PLPPR2: variants seen among roughly 807,000 people sequenced by gnomAD.
The protein encoded by PLPPR2 is phospholipid phosphatase related 2.
In PLPPR2, 11 loss-of-function variants were observed where a neutral mutation model predicts 40.3. The observed-to-expected ratio is 0.27, with a 90% CI of 0.17 to 0.45. The LOEUF (loss-of-function observed/expected upper bound fraction) is 0.45, where lower values mean the gene tolerates loss of function less well. PLPPR2 is among the 20% of genes least tolerant of loss of function. PLPPR2 has a pLI of 1.00. For synonymous variants in PLPPR2, 260 were observed against 290.8 expected (o/e 0.89, Z 1.08); for missense variants, 497 against 640.7 (o/e 0.78, Z 2.42).
chr19:11,355,665 G>A (rs1023353408), intron 1 of PLPPR2, 93 bp downstream of exon 1: 8 of 152,060 alleles, frequency 5.3e-5, no homozygotes, highest in African/African-American at 1.9e-4. Flanking sequence ...GGGTCCCTCT[G>A]GGTCCAGCGC....
rs1400556769 is a variant in PLPPR2 at position 11,364,175 on chromosome 19, C to T, written c.978C>T (p.Cys326=). 4.3e-6 allele frequency: 7 copies of T among 1,612,042 alleles called. No homozygotes were observed. The highest frequency in any genetic ancestry group is 1.3e-5 in the African/African-American group (1 of 74,990). The change falls in exon 9 of 10, where the codon TGC becomes TGT. Residue 326 remains cysteine, a synonymous_variant. Coordinates refer to ENST00000688289, the MANE Select transcript of PLPPR2 (RefSeq NM_001393892.1). This position sits in a 1 kb window ranked among gnomAD's most constrained non-coding sequence, Gnocchi z 5.8. ...KLSVAQEPEV[C]RPHSTPARLT... ...CTTTGTCTCAGGAACCCGAGGTCTG[C>T]AGGCCGCATTCGACACCGGCACGGC...
rs1186059064 is a variant in PLPPR2 at position 11,362,022 on chromosome 19, TC to T, written c.664-487del. ...TGTCCCCTGCTTTTTCCTGGTCACATCCCCTGTTGCTTCAACTCTTTTTTCT... is the reference window on the plus strand; with the variant it reads ...TGTCCCCTGCTTTTTCCTGGTCACATCCCTGTTGCTTCAACTCTTTTTTCT... On this transcript the variant is annotated intron_variant, in intron 6 of 9. Transcript: ENST00000688289. The surrounding 1 kb of genome is among the most constrained non-coding windows in gnomAD (Gnocchi z 5.3). Among the ~76,000 whole-genome samples, 1 of 152,070 alleles carries T rather than the reference TC, an allele frequency of 6.6e-6. No homozygotes were observed. The highest frequency in any genetic ancestry group is 6.5e-5 in the Admixed American group (1 of 15,282).
rs140938085 is a variant in PLPPR2, at chr19:11,361,507, G to C, written c.663+19G>C. On this transcript the variant is annotated intron_variant, in intron 6 of 9. Coordinates refer to ENST00000688289, the MANE Select transcript of PLPPR2 (RefSeq NM_001393892.1). The surrounding 1 kb of genome is among the most constrained non-coding windows in gnomAD (Gnocchi z 6.3). ...CACAGCGGTGAGCTTCGGGAGCTTC[G>C]GGGTCGGAAATGGGTGTGCAGGCTG... is the stretch of plus-strand genomic sequence containing the variant. 2.0e-3 allele frequency: 3,184 copies of C among 1,579,734 alleles called. 55 individuals carry two copies. In the African/African-American group the frequency reaches 0.035, roughly 17 times the overall value.
Position 11,362,295 on chromosome 19 carries a change from G to C in PLPPR2, c.664-218G>C, listed in dbSNP as rs905920655. The C allele has an allele frequency of 3.5e-6, 2 of 569,844 alleles. No homozygotes were observed. The highest frequency in any genetic ancestry group is 6.3e-6 in the Non-Finnish European group (2 of 319,648). 35.3% of individuals were successfully genotyped at this position (569,844 alleles called of 1,614,324 possible). A position where few individuals can be genotyped will look rare whatever the true frequency, so the allele number is the denominator to read the frequency against. On this transcript the variant is annotated intron_variant, in intron 6 of 9. Coordinates refer to ENST00000688289, the MANE Select transcript of PLPPR2 (RefSeq NM_001393892.1). The surrounding 1 kb of genome is among the most constrained non-coding windows in gnomAD (Gnocchi z 5.3). ...ACCTAGCCCTGCAGGTGGTGCCCAC[G>C]AGACTCCAAGACCTCAATCCCTGAC...
chr19:11,355,869 C>T (rs968334091), intron 1 of PLPPR2, among the ~76,000 whole-genome samples: 1 of 151,538 alleles, frequency 6.6e-6, no homozygotes, highest in African/African-American at 2.4e-5. Flanking sequence ...TGTGTGGTTT[C>T]GGGAGGTCCG....
Position 11,361,519 on chromosome 19 carries a change from G to A in PLPPR2, c.663+31G>A. The A allele has an allele frequency of 1.3e-6, 2 of 1,570,558 alleles. No individual in the cohort carries two copies. Among genetic ancestry groups the A allele is most frequent in the Non-Finnish European group, 1.7e-6 (2 of 1,161,968 alleles). Reference sequence around the variant, plus strand: ...CTTCGGGAGCTTCGGGGTCGGAAATGGGTGTGCAGGCTGGACAGCGACCAG... The same window carrying A: ...CTTCGGGAGCTTCGGGGTCGGAAATAGGTGTGCAGGCTGGACAGCGACCAG... On this transcript the variant is annotated intron_variant, in intron 6 of 9. Coordinates refer to ENST00000688289, the MANE Select transcript of PLPPR2 (RefSeq NM_001393892.1). The surrounding 1 kb of genome is among the most constrained non-coding windows in gnomAD (Gnocchi z 6.3).
Position 11,357,648 on chromosome 19 carries a change from C to A in PLPPR2, c.-14-12C>A, listed in dbSNP as rs1169965653. 1.3e-6 allele frequency: 2 copies of A among 1,588,820 alleles called. No homozygotes were observed. The highest frequency in any genetic ancestry group is 2.7e-5 in the African/African-American group (2 of 73,762). On this transcript the variant is annotated splice_polypyrimidine_tract_variant and intron_variant, in intron 2 of 9. Transcript: ENST00000688289. ...ACCCCCTGGGACTCCCACTCCCTCC[C>A]CACCTCTGCAGGCCTGGCCTTCACC...
rs532361436 is a variant in PLPPR2, at chr19:11,363,875, G to T, written c.963+40G>T. On this transcript the variant is annotated intron_variant, in intron 8 of 9. Coordinates refer to ENST00000688289, the MANE Select transcript of PLPPR2 (RefSeq NM_001393892.1). The surrounding 1 kb of genome is among the most constrained non-coding windows in gnomAD (Gnocchi z 4.8). Reference sequence around the variant, plus strand: ...GGGCTGCTCCCGGCTGGAGAGGGTGGTGGGTGGAGGGGGCCAAGGAGACAG... The same window carrying T: ...GGGCTGCTCCCGGCTGGAGAGGGTGTTGGGTGGAGGGGGCCAAGGAGACAG... 1.9e-6 allele frequency: 3 copies of T among 1,595,906 alleles called. No homozygotes were observed. In the South Asian group the frequency reaches 3.3e-5, roughly 18 times the overall value.
chr19:11,363,948 G>T lies in PLPPR2; in HGVS notation c.963+113G>T, dbSNP rs1179068122. ...GGGGTCTCAGAACCATGGGGAAGTG[G>T]AGGGATCACCCATCTCTGTGGACAT... On this transcript the variant is annotated intron_variant, in intron 8 of 9. Coordinates refer to ENST00000688289, the MANE Select transcript of PLPPR2 (RefSeq NM_001393892.1). This position sits in a 1 kb window ranked among gnomAD's most constrained non-coding sequence, Gnocchi z 4.8. 1 of 1,403,882 alleles carries T rather than the reference G, an allele frequency of 7.1e-7. No homozygotes were observed. Among genetic ancestry groups the T allele is most frequent in the African/African-American group, 1.4e-5 (1 of 69,854 alleles). The allele number at this position is 1,403,882 out of a possible 1,614,324, so 87.0% of individuals were successfully genotyped here.
chr19:11,365,078 T>C lies in PLPPR2; in HGVS notation c.*388T>C. 3.8e-6 allele frequency: 1 copy of C among 263,946 alleles called. No homozygotes were observed. The allele number at this position is 263,946 out of a possible 1,614,324, so 16.4% of individuals were successfully genotyped here. On this transcript the variant is annotated 3_prime_UTR_variant, in exon 10 of 10. Coordinates refer to ENST00000688289, the MANE Select transcript of PLPPR2 (RefSeq NM_001393892.1). ...GCAACTCCAGCCAGTGTTCAGCGAC[T>C]GAACAGCCAATAGGAGCCCTTGGTT...
rs1349215100 is a variant in PLPPR2, at chr19:11,364,259, G to A, written c.1015+47G>A. 34 of 1,584,900 alleles carry A rather than the reference G, an allele frequency of 2.1e-5. No homozygotes were observed. The highest frequency in any genetic ancestry group is 4.1e-5 in the African/African-American group (3 of 74,010). ...GGCTAAACAGGGGGACTTCCAGGTG[G>A]GCAGCCACTGCCCCAGAGGTCTCAC... On this transcript the variant is annotated intron_variant, in intron 9 of 9. Transcript: ENST00000688289. This position sits in a 1 kb window ranked among gnomAD's most constrained non-coding sequence, Gnocchi z 5.8.
chr19:11,362,371 G>A lies in PLPPR2; in HGVS notation c.664-142G>A. 1.1e-6 allele frequency: 1 copy of A among 929,442 alleles called. No individual in the cohort carries two copies. Among genetic ancestry groups the A allele is most frequent in the Non-Finnish European group, 1.6e-6 (1 of 619,752 alleles). 57.6% of individuals were successfully genotyped at this position (929,442 alleles called of 1,614,324 possible). ...CGCTCCCTGGAAAAGCCCACTGGGA[G>A]CCCATGACTCCAACCCTGGAGCCCC... On this transcript the variant is annotated intron_variant, in intron 6 of 9. Transcript: ENST00000688289. This position sits in a 1 kb window ranked among gnomAD's most constrained non-coding sequence, Gnocchi z 5.3.
At position 11,362,438 on chromosome 19, in the gene PLPPR2, A is replaced by T; in HGVS notation, c.664-75A>T. On this transcript the variant is annotated intron_variant, in intron 6 of 9. Coordinates refer to ENST00000688289, the MANE Select transcript of PLPPR2 (RefSeq NM_001393892.1). This position sits in a 1 kb window ranked among gnomAD's most constrained non-coding sequence, Gnocchi z 5.3. ...CCCCAACGCTCTGGCCATGCGCTCT[A>T]GCCCAGAAAGGAGCGTCCACTTGGG... 6.4e-7 allele frequency: 1 copy of T among 1,569,282 alleles called. No homozygotes were observed. The highest frequency in any genetic ancestry group is 8.7e-7 in the Non-Finnish European group (1 of 1,152,194).
Position 11,364,746 on chromosome 19 carries a change from G to A in PLPPR2, c.*56G>A, listed in dbSNP as rs2144682446. 1.3e-6 allele frequency: 2 copies of A among 1,527,722 alleles called. No homozygotes were observed. Among genetic ancestry groups the A allele is most frequent in the East Asian group, 2.4e-5 (1 of 40,858 alleles). 94.6% of individuals were successfully genotyped at this position (1,527,722 alleles called of 1,614,324 possible). Reference sequence around the variant, plus strand: ...TCCCCACTTCTTCCCTGCCACGCGTGTGTGTGCGTGTGCCACGTGAGTGCC... The same window carrying A: ...TCCCCACTTCTTCCCTGCCACGCGTATGTGTGCGTGTGCCACGTGAGTGCC... On this transcript the variant is annotated 3_prime_UTR_variant, in exon 10 of 10. Coordinates refer to ENST00000688289, the MANE Select transcript of PLPPR2 (RefSeq NM_001393892.1). The surrounding 1 kb of genome is among the most constrained non-coding windows in gnomAD (Gnocchi z 5.8).
Position 11,361,293 on chromosome 19 carries a change from A to G in PLPPR2, c.468A>G (p.Pro156=). ...AGGTGGTGACCGGCAATCCCACGCC[A>G]CACTTCCTGTCCGTGTGCCGCCCCA... ...AGQVVTGNPT[P]HFLSVCRPNY... The change falls in exon 6 of 10, where the codon CCA becomes CCG. Residue 156 remains proline, a synonymous_variant. Transcript: ENST00000688289. The surrounding 1 kb of genome is among the most constrained non-coding windows in gnomAD (Gnocchi z 6.3). 1 of 1,613,726 alleles carries G rather than the reference A, an allele frequency of 6.2e-7. No individual in the cohort carries two copies. The highest frequency in any genetic ancestry group is 1.1e-5 in the South Asian group (1 of 91,078).
At chr19:11,358,755 C>T (rs760679758) in intron 3 of PLPPR2, among the ~76,000 whole-genome samples, 2 of 151,768 alleles carry the variant, frequency 1.3e-5, no homozygotes, top group South Asian at 2.1e-4. Context: ...TGCTCCGCTG[C>T]CCAGGCTGGA....
Position 11,361,654 on chromosome 19 carries a change from G to C in PLPPR2, c.663+166G>C, listed in dbSNP as rs1302708153. The stretch of plus-strand genomic sequence containing the variant: ...TTGGAAGCTCTCCCTCCTCCTCCCA[G>C]ATCCTAGCCACGCCCCCAGTCAGAG... On this transcript the variant is annotated intron_variant, in intron 6 of 9. Coordinates refer to ENST00000688289, the MANE Select transcript of PLPPR2 (RefSeq NM_001393892.1). This position sits in a 1 kb window ranked among gnomAD's most constrained non-coding sequence, Gnocchi z 6.3. Among the ~76,000 whole-genome samples, 1 of 152,064 alleles carries C rather than the reference G, an allele frequency of 6.6e-6. No homozygotes were observed.
Position 11,359,769 on chromosome 19 carries a change from G to A in PLPPR2, c.255+49G>A, listed in dbSNP as rs758637710. The A allele has an allele frequency of 6.3e-7, 1 of 1,584,808 alleles. No individual in the cohort carries two copies. The highest frequency in any genetic ancestry group is 8.6e-7 in the Non-Finnish European group (1 of 1,160,064). ...GAGGCAGGTGGGCCGGTAAGGGTGGGTGAGGGGATGGGCTGGAAGGCCAGA... is the reference window on the plus strand; with the variant it reads ...GAGGCAGGTGGGCCGGTAAGGGTGGATGAGGGGATGGGCTGGAAGGCCAGA... On this transcript the variant is annotated intron_variant, in intron 4 of 9. Transcript: ENST00000688289. This position sits in a 1 kb window ranked among gnomAD's most constrained non-coding sequence, Gnocchi z 5.6.
Position 11,363,606 on chromosome 19 carries a change from TGAAAACCGGAG to T in PLPPR2, c.841-106_841-96del. The T allele has an allele frequency of 7.4e-7, 1 of 1,350,780 alleles. No individual in the cohort carries two copies. The highest frequency in any genetic ancestry group is 1.5e-5 in the African/African-American group (1 of 68,396). The allele number at this position is 1,350,780 out of a possible 1,614,324, so 83.7% of individuals were successfully genotyped here. ...GCACATACTATGCATTAGCTGTTTTTGAAAACCGGAGCCTCACTTTCCTTATCTGAAAAATG... is the reference window on the plus strand; with the variant it reads ...GCACATACTATGCATTAGCTGTTTTTCCTCACTTTCCTTATCTGAAAAATG... On this transcript the variant is annotated intron_variant, in intron 7 of 9. Transcript: ENST00000688289. The surrounding 1 kb of genome is among the most constrained non-coding windows in gnomAD (Gnocchi z 4.8).
Sources: gnomAD v4.1 joint callset for allele counts (sites outside exome capture counted in the v4.1 genomes callset) on GRCh38, gnomAD v4.1.1 for gene constraint, Gnocchi (gnomAD v3.1) non-coding constraint, MANE v1.5 for transcripts, NCBI Gene and HGNC (gene_info 2026-07-23, HGNC 2026-07-21) for gene names.